Variants in CCDC92B observed in about 807,000 individuals in gnomAD.
The protein encoded by CCDC92B is coiled-coil domain-containing 92B.
In CCDC92B, 2 loss-of-function variants were observed where a neutral mutation model predicts 5.6. The ratio of observed to expected loss-of-function variants is 0.36; its 90% CI spans 0.15 to 1.12. The LOEUF is 1.12. Among genes scored for constraint, CCDC92B ranks in the 50% most tolerant of loss-of-function variants. The pLI, the probability that CCDC92B is intolerant of heterozygous loss-of-function variation, is 0.40. For synonymous variants in CCDC92B, 115 were observed against 122.3 expected, an observed-to-expected ratio of 0.94 and a Z score of 0.39; for missense variants, 271 against 262.2, an observed-to-expected ratio of 1.03 and a Z score of -0.23.
chr17:2,748,927 C>T (rs2151747288), intron 1 of CCDC92B, among the ~76,000 whole-genome samples: 1 of 152,248 alleles, frequency 6.6e-6, no homozygotes, highest in African/African-American at 2.4e-5. Flanking sequence ...GCCCCCTGCA[C>T]TGAAGCGCTC....
intron 3 of CCDC92B, among the ~76,000 whole-genome samples, chr17:2,725,272 A>G (rs1348968902): frequency 6.6e-6 from 1 of 151,342 alleles, no homozygotes; most frequent in East Asian, 2.0e-4. Context: ...AATCCCAGCT[A>G]CTCGGGAGGC....
rs1371103754 is a variant in CCDC92B, at chr17:2,725,033, T to TC, written c.179-34dup. ...GGGGCAGAGGCCAGAGGTGACGGTC[T>TC]CCCCCTGGCTTGGAACAGAACCTGC... On this transcript the variant is annotated intron_variant, in intron 3 of 3. Coordinates refer to ENST00000614400, the MANE Select transcript of CCDC92B (RefSeq NM_001355573.2). 6 of 983,982 alleles carry TC rather than the reference T, an allele frequency of 6.1e-6. No homozygotes were observed. In the African/African-American group the frequency reaches 1.1e-4, roughly 17 times the overall value. 61.0% of individuals were successfully genotyped at this position (983,982 alleles called of 1,614,324 possible). A position where few individuals can be genotyped will look rare whatever the true frequency, so the allele number is the denominator to read the frequency against.
intron 2 of CCDC92B, among the ~76,000 whole-genome samples, chr17:2,732,038 A>G (rs1287300541): frequency 6.6e-6 from 1 of 152,250 alleles, no homozygotes; most frequent in Non-Finnish European, 1.5e-5. Flanking sequence ...ATGGGGGCAC[A>G]ATAGCACCTT....
At chr17:2,738,264 C>T (rs2070877521) in intron 1 of CCDC92B, among the ~76,000 whole-genome samples, 2 of 151,942 alleles carry the variant, frequency 1.3e-5, no homozygotes, top group Admixed American at 6.6e-5. Context: ...TGTCCACCTC[C>T]TGGCCTCAAG....
intron 2 of CCDC92B, among the ~76,000 whole-genome samples, chr17:2,732,275 C>T (rs139516647): frequency 1.4e-4 from 22 of 152,302 alleles, no homozygotes; most frequent in East Asian, 5.8e-4. Context: ...CTCTCCCAAC[C>T]GCCTCCCAGC....
At chr17:2,737,397 C>T (rs968914044) in intron 1 of CCDC92B, among the ~76,000 whole-genome samples, 26 of 150,876 alleles carry the variant, frequency 1.7e-4, no homozygotes, top group Admixed American at 6.6e-5. Flanking sequence ...ATCCTCAGGG[C>T]ACTCCTCTCT....
chr17:2,746,258 A>T (rs2070984854), intron 1 of CCDC92B, among the ~76,000 whole-genome samples: 1 of 152,234 alleles, frequency 6.6e-6, no homozygotes, highest in Non-Finnish European at 1.5e-5. Flanking sequence ...CTGGGATTAC[A>T]GGTGTGAGCC....
In CCDC92B at chr17:2,721,579, T is replaced by A. The variant is rs562472791; in HGVS notation, c.*2832A>T. 6.6e-6 allele frequency: 1 copy of A among 152,338 alleles called. No individual in the cohort carries two copies. The highest frequency in any genetic ancestry group is 1.9e-4 in the East Asian group (1 of 5,180). 9.4% of individuals were successfully genotyped at this position (152,338 alleles called of 1,614,324 possible). A position where few individuals can be genotyped will look rare whatever the true frequency, so the allele number is the denominator to read the frequency against. On this transcript the variant is annotated 3_prime_UTR_variant, in exon 4 of 4. Transcript: ENST00000614400. ...CCAAGAGCGGGCCATGCACTCCAGC[T>A]CCCAGTCTCGTTCTGCTGCACAGAG...
At chr17:2,738,516 T>C (rs1435467045) in intron 1 of CCDC92B, among the ~76,000 whole-genome samples, 1 of 151,884 alleles carries the variant, frequency 6.6e-6, no homozygotes, top group East Asian at 1.9e-4. Context: ...CTCACGCTTG[T>C]AATCCCAGCA....
intron 1 of CCDC92B, among the ~76,000 whole-genome samples, chr17:2,740,513 A>C (rs1410598483): frequency 6.6e-6 from 1 of 151,724 alleles, no homozygotes; most frequent in Non-Finnish European, 1.5e-5. Context: ...AAATACAAAA[A>C]TTAGCTGGGC....
rs1176261401 is a variant in CCDC92B, at chr17:2,749,546, T to A, written c.-159A>T. 1 of 133,636 alleles carries A rather than the reference T, an allele frequency of 7.5e-6. No individual in the cohort carries two copies. The highest frequency in any genetic ancestry group is 1.6e-5 in the Non-Finnish European group (1 of 61,988). The allele number at this position is 133,636 out of a possible 1,614,324, so 8.3% of individuals were successfully genotyped here. A position where few individuals can be genotyped will look rare whatever the true frequency, so the allele number is the denominator to read the frequency against. ...CCCCGGCTGCGGCGCCATCAGCTGC[T>A]GGGAGGCTGCGGGGCAGTCGGGCCG... On this transcript the variant is annotated 5_prime_UTR_variant, in exon 1 of 4. Coordinates refer to ENST00000614400, the MANE Select transcript of CCDC92B (RefSeq NM_001355573.2).
chr17:2,748,237 T>C, intron 1 of CCDC92B: 1 of 713,124 alleles, frequency 1.4e-6, no homozygotes, highest in Admixed American at 2.1e-5. Flanking sequence ...TCACTTACTA[T>C]ATCCACCCTA....
chr17:2,724,942 C>T lies in CCDC92B; in HGVS notation c.237G>A (p.Ala79=), dbSNP rs2070708441. ...KCRALESQLE[A]RAAANAELRR... ...GCAGCTCCGCGTTGGCCGCAGCACGCGCCTCCAGCTGCGACTCCAGCGCGC... is the reference window on the plus strand; with the variant it reads ...GCAGCTCCGCGTTGGCCGCAGCACGTGCCTCCAGCTGCGACTCCAGCGCGC... The change falls in exon 4 of 4, where the codon GCG becomes GCA. Residue 79 remains alanine, a synonymous_variant. Transcript: ENST00000614400. The surrounding 1 kb of genome is among the most constrained non-coding windows in gnomAD (Gnocchi z 5.0). 8 of 985,506 alleles carry T rather than the reference C, an allele frequency of 8.1e-6. No individual in the cohort carries two copies. In the South Asian group the frequency reaches 2.8e-4, roughly 35 times the overall value. The allele number at this position is 985,506 out of a possible 1,614,324, so 61.0% of individuals were successfully genotyped here. A position where few individuals can be genotyped will look rare whatever the true frequency, so the allele number is the denominator to read the frequency against.
Position 2,743,976 on chromosome 17 carries a change from C to T in CCDC92B, c.-24+5435G>A, listed in dbSNP as rs545871270. Reference sequence around the variant, plus strand: ...CACCGCAACCTCCACCTCCCGGGTTCGAGCAAATCTCCTGCCGCAGCCTCC... The same window carrying T: ...CACCGCAACCTCCACCTCCCGGGTTTGAGCAAATCTCCTGCCGCAGCCTCC... On this transcript the variant is annotated intron_variant, in intron 1 of 3. Coordinates refer to ENST00000614400, the MANE Select transcript of CCDC92B (RefSeq NM_001355573.2). Among the ~76,000 whole-genome samples, 5 of 152,180 alleles carry T rather than the reference C, an allele frequency of 3.3e-5. No individual in the cohort carries two copies. The South Asian group carries it at 8.3e-4, about 25-fold the overall frequency.
intron 2 of CCDC92B, among the ~76,000 whole-genome samples, chr17:2,732,890 G>A (rs2070811453): frequency 1.3e-5 from 2 of 151,714 alleles, no homozygotes. Context: ...GCAGGCGCCT[G>A]TAGTCCCAGC....
intron 1 of CCDC92B, among the ~76,000 whole-genome samples, chr17:2,744,543 A>G (rs1210436170): frequency 2.0e-5 from 3 of 152,128 alleles, no homozygotes; most frequent in African/African-American, 7.2e-5. Context: ...AGCAACTGAG[A>G]TGAAGGACAT....
rs1487997546 is a variant in CCDC92B, at chr17:2,724,281, G to A, written c.*130C>T. 2 of 985,224 alleles carry A rather than the reference G, an allele frequency of 2.0e-6. No individual in the cohort carries two copies. Among genetic ancestry groups the A allele is most frequent in the Admixed American group, 6.1e-5 (1 of 16,268 alleles). 61.0% of individuals were successfully genotyped at this position (985,224 alleles called of 1,614,324 possible). ...GCGGTTCGGGGATTTGGGGGGAGCC[G>A]GGGCCGCCTCGCCCCGCTTCCTGGA... is the stretch of plus-strand genomic sequence containing the variant. On this transcript the variant is annotated 3_prime_UTR_variant, in exon 4 of 4. Coordinates refer to ENST00000614400, the MANE Select transcript of CCDC92B (RefSeq NM_001355573.2). This position sits in a 1 kb window ranked among gnomAD's most constrained non-coding sequence, Gnocchi z 5.0.
chr17:2,736,119 G>A (rs1294561042), intron 1 of CCDC92B, among the ~76,000 whole-genome samples: 4 of 152,132 alleles, frequency 2.6e-5, no homozygotes, highest in African/African-American at 9.7e-5. Context: ...AAGGCAGGTG[G>A]TGGAGTCCCT....
chr17:2,726,594 G>A (rs2070733956), intron 3 of CCDC92B, among the ~76,000 whole-genome samples: 1 of 152,064 alleles, frequency 6.6e-6, no homozygotes, highest in African/African-American at 2.4e-5. Flanking sequence ...TGGGATTACA[G>A]GCGTGAGCCA....
Sources: gnomAD v4.1 joint callset for allele counts (sites outside exome capture counted in the v4.1 genomes callset) on GRCh38, gnomAD v4.1.1 for gene constraint, Gnocchi (gnomAD v3.1) non-coding constraint, MANE v1.5 for transcripts, NCBI Gene and HGNC (gene_info 2026-07-23, HGNC 2026-07-21) for gene names.